NRXN3: variants seen among roughly 807,000 people sequenced by gnomAD.
The protein encoded by NRXN3 is neurexin 3, also known as neurexin III.
Under a neutral mutation model 137.6 loss-of-function variants are expected in NRXN3, and 32 were observed. That is an observed-to-expected ratio of 0.23 (90% CI 0.18 to 0.31). The LOEUF (loss-of-function observed/expected upper bound fraction) is 0.31, where lower values mean the gene tolerates loss of function less well. Ranked by LOEUF, NRXN3 falls within the 10% of genes least tolerant of loss-of-function variation. NRXN3 has a pLI of 1.00. For missense variants in NRXN3, 1,574 were observed against 2,062.5 expected (o/e 0.76, Z 4.59); for synonymous variants, 798 against 784.5 (o/e 1.02, Z -0.29).
At position 79,143,939 on chromosome 14, in the gene NRXN3, G is replaced by A. The variant is rs74066679; in HGVS notation, c.3262+155798G>A. On this transcript the variant is annotated intron_variant, in intron 15 of 20. Coordinates refer to ENST00000335750, the MANE Select transcript of NRXN3 (RefSeq NM_001330195.2). ...CCCTTAAATATTACAGTCGTCCCAT[G>A]CTTTCTGTGTTGAAAGAAAACAAAT... Among the ~76,000 whole-genome samples, 1,177 of 152,212 alleles carry A rather than the reference G, an allele frequency of 7.7e-3. 16 individuals are homozygous for A. The highest frequency in any genetic ancestry group is 0.027 in the African/African-American group (1,115 of 41,542).
rs757326405 is a variant in NRXN3, at chr14:78,379,340, T to G, written c.757+81480T>G. Among the ~76,000 whole-genome samples the G allele has an allele frequency of 2.6e-5, 4 of 152,262 alleles. No homozygotes were observed. In the East Asian group the frequency reaches 5.8e-4, roughly 22 times the overall value. ...CCCCACTACATACCAATGTCCTTCA[T>G]GAATATGACACACAATCTTTAAAAA... On this transcript the variant is annotated intron_variant, in intron 4 of 20. Transcript: ENST00000335750.
intron 10 of NRXN3, among the ~76,000 whole-genome samples, chr14:78,926,891 TATATATATA>T (rs1186485142): frequency 2.0e-4 from 6 of 29,394 alleles, no homozygotes; most frequent in Non-Finnish European, 2.9e-4. Flanking sequence ...TATATTTATA[TATATATATA>T]ATATATATAA....
At chr14:78,447,496 C>T (rs1214278544) in intron 4 of NRXN3, among the ~76,000 whole-genome samples, 2 of 152,246 alleles carry the variant, frequency 1.3e-5, no homozygotes, top group South Asian at 4.1e-4. Flanking sequence ...GCTGTAGAAC[C>T]TGGGGTGTGT....
chr14:78,320,680 G>A (rs1295480444), intron 4 of NRXN3, among the ~76,000 whole-genome samples: 1 of 152,182 alleles, frequency 6.6e-6, no homozygotes, highest in East Asian at 1.9e-4. Flanking sequence ...GGTCAACTGG[G>A]AGTTGGGGGT....
At position 78,845,524 on chromosome 14, in the gene NRXN3, C is replaced by A. The variant is rs374271917; in HGVS notation, c.2275+35180C>A. Among the ~76,000 whole-genome samples, 5 of 151,738 alleles carry A rather than the reference C, an allele frequency of 3.3e-5. No homozygotes were observed. The East Asian group carries it at 9.7e-4, about 29-fold the overall frequency. Reference sequence around the variant, plus strand: ...CTCTTTTTTCTACTTATATGATTTCCTCCCCACTGACTTCTGCTCCTCCTT... The same window carrying A: ...CTCTTTTTTCTACTTATATGATTTCATCCCCACTGACTTCTGCTCCTCCTT... On this transcript the variant is annotated intron_variant, in intron 10 of 20. Transcript: ENST00000335750.
chr14:79,162,653 C>A (rs950067620), intron 15 of NRXN3, among the ~76,000 whole-genome samples: 1 of 151,858 alleles, frequency 6.6e-6, no homozygotes, highest in Non-Finnish European at 1.5e-5. Flanking sequence ...AATGAGATAC[C>A]ATCTCACACC....
intron 14 of NRXN3, among the ~76,000 whole-genome samples, chr14:78,985,801 A>C (rs1223578614): frequency 2.0e-5 from 3 of 152,186 alleles, no homozygotes; most frequent in Admixed American, 6.5e-5. Context: ...CCTTTGAAAG[A>C]AGCTGTCCTG....
At chr14:79,172,219 A>G (rs2061854343) in intron 15 of NRXN3, among the ~76,000 whole-genome samples, 1 of 152,010 alleles carries the variant, frequency 6.6e-6, no homozygotes, top group Admixed American at 6.6e-5. Context: ...ACTGTGAAGC[A>G]TGTATCCCTG....
chr14:78,635,373 C>A (rs1484148322), intron 4 of NRXN3, among the ~76,000 whole-genome samples: 1 of 152,060 alleles, frequency 6.6e-6, no homozygotes, highest in Non-Finnish European at 1.5e-5. Flanking sequence ...ACCTTCATGA[C>A]TTCTATATTA....
intron 1 of NRXN3, among the ~76,000 whole-genome samples, chr14:78,230,324 GTCTGTC>G (rs1175503786): frequency 9.4e-5 from 14 of 148,356 alleles, no homozygotes; most frequent in African/African-American, 3.2e-4. Context: ...CTCTGTCTCT[GTCTGTC>G]TCTCTCTCTC....
chr14:78,601,156 A>G (rs759648889), intron 4 of NRXN3, among the ~76,000 whole-genome samples: 2 of 152,172 alleles, frequency 1.3e-5, no homozygotes, highest in Non-Finnish European at 2.9e-5. Context: ...TTTTAATGAA[A>G]TCTGCATTCT....
intron 10 of NRXN3, among the ~76,000 whole-genome samples, chr14:78,857,731 T>C (rs1168439960): frequency 1.1e-4 from 16 of 151,898 alleles, no homozygotes; most frequent in Admixed American, 1.0e-3. Context: ...AGATAATAGG[T>C]TGAGAAGGAG....
rs144447773 is a variant in NRXN3, at chr14:79,809,841, G to A, written c.4093+4651G>A. Among the ~76,000 whole-genome samples, 20 of 152,216 alleles carry A rather than the reference G, an allele frequency of 1.3e-4. No individual in the cohort carries two copies. In the South Asian group the frequency reaches 1.5e-3, roughly 11 times the overall value. ...TCCTTTTTCTCTTTGAATCCAAGAA[G>A]AAAAACGGATGAGCTGGAGAGCATT... On this transcript the variant is annotated intron_variant, in intron 20 of 20. Coordinates refer to ENST00000335750, the MANE Select transcript of NRXN3 (RefSeq NM_001330195.2).
intron 15 of NRXN3, among the ~76,000 whole-genome samples, chr14:79,108,999 G>A (rs990299947): frequency 1.3e-5 from 2 of 152,102 alleles, no homozygotes; most frequent in South Asian, 4.2e-4. Flanking sequence ...TAAAAAATAG[G>A]CTACTGTCTA....
At chr14:78,765,214 C>A (rs778543341) in intron 8 of NRXN3, among the ~76,000 whole-genome samples, 1 of 152,026 alleles carries the variant, frequency 6.6e-6, no homozygotes, top group Non-Finnish European at 1.5e-5. Context: ...AGTGCAATGG[C>A]GCAATCTTGG....
At chr14:78,915,424 TAGAGA>T (rs1268092224) in intron 10 of NRXN3, among the ~76,000 whole-genome samples, 1 of 146,588 alleles carries the variant, frequency 6.8e-6, no homozygotes, top group Non-Finnish European at 1.5e-5. Context: ...AACAAGAGTT[TAGAGA>T]AGTCAAAGAA....
At chr14:78,313,528 T>A (rs1204096044) in intron 4 of NRXN3, among the ~76,000 whole-genome samples, 45 of 152,108 alleles carry the variant, frequency 3.0e-4, no homozygotes, top group Non-Finnish European at 1.5e-5. Flanking sequence ...TAAATACATT[T>A]CTGAATGATT....
intron 15 of NRXN3, among the ~76,000 whole-genome samples, chr14:79,463,475 T>TA (rs137934813): frequency 0.069 from 10,299 of 148,196 alleles, 674 homozygotes; most frequent in East Asian, 0.37. Flanking sequence ...GGTTGTGAGT[T>TA]AAAAAAAAAA....
intron 19 of NRXN3, among the ~76,000 whole-genome samples, chr14:79,730,946 G>A (rs1009771273): frequency 1.3e-5 from 2 of 152,094 alleles, no homozygotes; most frequent in Non-Finnish European, 2.9e-5. Context: ...TAGGAAAGGG[G>A]GCATTAGCAA....
Sources: allele counts gnomAD v4.1 joint callset (sites outside exome capture counted in the v4.1 genomes callset), GRCh38; gene constraint gnomAD v4.1.1; transcripts MANE v1.5; gene names NCBI Gene and HGNC (gene_info 2026-07-23, HGNC 2026-07-21).